The following TSPAN5 variants were observed in gnomAD, a reference collection of about 807,000 sequenced individuals.
The protein encoded by TSPAN5 is tetraspanin-5.
A neutral mutation model predicts 37.1 loss-of-function variants in TSPAN5; 10 were observed. That is an observed-to-expected ratio of 0.27 (90% CI 0.17 to 0.46). The LOEUF (loss-of-function observed/expected upper bound fraction) is 0.46. TSPAN5 is among the 20% of genes least tolerant of loss of function. The probability of loss-of-function intolerance (pLI) is 1.00; values close to 1 mark genes in which losing one functional copy is unlikely to be tolerated. For missense variants in TSPAN5, 195 were observed against 326.6 expected, an observed-to-expected ratio of 0.60 and a Z score of 3.11; for synonymous variants, 110 against 118.9, an observed-to-expected ratio of 0.93 and a Z score of 0.48.
At chr4:98,639,453 G>A (rs1254742785) in intron 1 of TSPAN5, among the ~76,000 whole-genome samples, 1 of 151,362 alleles carries the variant, frequency 6.6e-6, no homozygotes, top group Non-Finnish European at 1.5e-5. Context: ...GAGTAGCTGA[G>A]AAAACAGGCA....
chr4:98,602,576 T>C (rs1755906587), intron 1 of TSPAN5, among the ~76,000 whole-genome samples: 1 of 152,218 alleles, frequency 6.6e-6, no homozygotes, highest in South Asian at 2.1e-4. Flanking sequence ...ATATCAACCC[T>C]ACTCTAAATC....
At chr4:98,480,481 C>T (rs1752813613) in intron 4 of TSPAN5, among the ~76,000 whole-genome samples, 1 of 152,158 alleles carries the variant, frequency 6.6e-6, no homozygotes, top group African/African-American at 2.4e-5. Context: ...CTACACAAGC[C>T]CCTTCCTCAC....
chr4:98,544,067 C>G (rs547427172), intron 1 of TSPAN5, among the ~76,000 whole-genome samples: 3 of 152,134 alleles, frequency 2.0e-5, no homozygotes, highest in African/African-American at 7.2e-5. Context: ...GTAGTCCTAG[C>G]TACTCGGGAG....
intron 1 of TSPAN5, among the ~76,000 whole-genome samples, chr4:98,520,367 C>T (rs918585966): frequency 2.6e-5 from 4 of 152,176 alleles, no homozygotes; most frequent in African/African-American, 9.7e-5. Context: ...CAAATGAGTC[C>T]AGCATGACCA....
chr4:98,528,612 A>C (rs114961092), intron 1 of TSPAN5, among the ~76,000 whole-genome samples: 2,368 of 152,284 alleles, frequency 0.016, 70 homozygotes, highest in African/African-American at 0.054. Context: ...ACCCAAAGTC[A>C]GCCATACTTA....
At chr4:98,532,180 T>G (rs1754109156) in intron 1 of TSPAN5, among the ~76,000 whole-genome samples, 1 of 152,254 alleles carries the variant, frequency 6.6e-6, no homozygotes, top group Admixed American at 6.5e-5. Flanking sequence ...TCTAGGATTT[T>G]TATGGTTCCA....
chr4:98,657,036 G>A (rs1430541365), intron 1 of TSPAN5, among the ~76,000 whole-genome samples: 1 of 152,146 alleles, frequency 6.6e-6, no homozygotes, highest in African/African-American at 2.4e-5. Flanking sequence ...TACCCAGACA[G>A]CCACCATCTT....
chr4:98,604,693 T>A (rs1755965412), intron 1 of TSPAN5, among the ~76,000 whole-genome samples: 1 of 152,170 alleles, frequency 6.6e-6, no homozygotes, highest in South Asian at 2.1e-4. Flanking sequence ...TTCCTAAGTG[T>A]GGAAGAAAAT....
In TSPAN5 at chr4:98,644,120, AT is replaced by A. The variant is rs1223410497; in HGVS notation, c.81+14025del. The stretch of plus-strand genomic sequence containing the variant: ...ATGCCTAAAGGAGATTTATTGATTT[AT>A]TTTTTTTTTCTGGTTGTGTGAAATT... On this transcript the variant is annotated intron_variant, in intron 1 of 7. Transcript: ENST00000305798. Among the ~76,000 whole-genome samples, 192 of 149,080 alleles carry A rather than the reference AT, an allele frequency of 1.3e-3. 1 individual carries two copies. The highest frequency in any genetic ancestry group is 4.1e-3 in the African/African-American group (168 of 40,702).
chr4:98,631,762 A>G (rs753721829), intron 1 of TSPAN5, among the ~76,000 whole-genome samples: 1 of 152,200 alleles, frequency 6.6e-6, no homozygotes, highest in Non-Finnish European at 1.5e-5. Flanking sequence ...CTTGCAAAGC[A>G]TGTTCTCCTG....
intron 1 of TSPAN5, among the ~76,000 whole-genome samples, chr4:98,609,312 G>A (rs918368639): frequency 5.9e-5 from 9 of 152,170 alleles, no homozygotes; most frequent in Admixed American, 1.3e-4. Flanking sequence ...AAGCTCCTGC[G>A]TTACTCTATT....
At chr4:98,504,801 G>A (rs1042640939) in intron 2 of TSPAN5, among the ~76,000 whole-genome samples, 3 of 152,090 alleles carry the variant, frequency 2.0e-5, no homozygotes, top group Non-Finnish European at 2.9e-5. Context: ...AATACTGGAG[G>A]AGCCAGTATT....
intron 1 of TSPAN5, among the ~76,000 whole-genome samples, chr4:98,609,389 G>A (rs572421934): frequency 5.9e-5 from 9 of 152,220 alleles, no homozygotes; most frequent in Middle Eastern, 3.4e-3. Flanking sequence ...GGCAGTGCTC[G>A]GAATGCTGGA....
intron 1 of TSPAN5, among the ~76,000 whole-genome samples, chr4:98,634,860 A>G (rs541101480): frequency 1.2e-4 from 18 of 152,340 alleles, no homozygotes; most frequent in African/African-American, 4.3e-4. Context: ...AGAAGAGACA[A>G]AAGATGTCCA....
At position 98,642,954 on chromosome 4, in the gene TSPAN5, G is replaced by T. The variant is rs549150799; in HGVS notation, c.81+15192C>A. Reference sequence around the variant, plus strand: ...AAATAAAATGTGACAGTAAGCTGAGGTTAATTATTGAAGACAGATATTTTT... The same window carrying T: ...AAATAAAATGTGACAGTAAGCTGAGTTTAATTATTGAAGACAGATATTTTT... On this transcript the variant is annotated intron_variant, in intron 1 of 7. Coordinates refer to ENST00000305798, the MANE Select transcript of TSPAN5 (RefSeq NM_005723.4). Among the ~76,000 whole-genome samples, 51 of 152,290 alleles carry T rather than the reference G, an allele frequency of 3.3e-4. 1 individual carries two copies. Among genetic ancestry groups the T allele is most frequent in the African/African-American group, 1.2e-3 (49 of 41,564 alleles).
intron 2 of TSPAN5, among the ~76,000 whole-genome samples, chr4:98,492,412 G>A (rs1753103767): frequency 6.6e-6 from 1 of 152,130 alleles, no homozygotes; most frequent in African/African-American, 2.4e-5. Context: ...CTGCCCTAGA[G>A]CTCTATGTGT....
chr4:98,622,917 G>T (rs1170755779), intron 1 of TSPAN5, among the ~76,000 whole-genome samples: 3 of 152,168 alleles, frequency 2.0e-5, no homozygotes, highest in Non-Finnish European at 4.4e-5. Flanking sequence ...TATAATATTG[G>T]TGGACTAAGA....
chr4:98,644,658 T>C (rs898775960), intron 1 of TSPAN5, among the ~76,000 whole-genome samples: 6 of 152,162 alleles, frequency 3.9e-5, no homozygotes, highest in African/African-American at 9.7e-5. Context: ...ATTATGTAAA[T>C]AGACTCATTC....
At chr4:98,580,799 A>T (rs1477728561) in intron 1 of TSPAN5, among the ~76,000 whole-genome samples, 1 of 152,150 alleles carries the variant, frequency 6.6e-6, no homozygotes, top group Non-Finnish European at 1.5e-5. Context: ...AGCCAATTGG[A>T]GACCCGTACA....
Sources: gnomAD v4.1 joint callset for allele counts (sites outside exome capture counted in the v4.1 genomes callset) on GRCh38, gnomAD v4.1.1 for gene constraint, MANE v1.5 for transcripts, NCBI Gene and HGNC (gene_info 2026-07-23, HGNC 2026-07-21) for gene names.